Variants in MACROD2 observed in about 807,000 individuals in gnomAD.
MACROD2 encodes the protein mono-ADP ribosylhydrolase 2, also known as ADP-ribose glycohydrolase MACROD2.
In MACROD2, 36 loss-of-function variants were observed where a neutral mutation model predicts 70.4. The ratio of observed to expected loss-of-function variants is 0.51; its 90% CI spans 0.39 to 0.68. The LOEUF (loss-of-function observed/expected upper bound fraction) is 0.68, where lower values mean the gene tolerates loss of function less well. Among genes scored for constraint, MACROD2 ranks in the 30% least tolerant of loss-of-function variants. The pLI is 0.00. For missense variants in MACROD2, 496 were observed against 538.4 expected (o/e 0.92, Z 0.78); for synonymous variants, 172 against 178.8 (o/e 0.96, Z 0.30).
At chr20:15,375,322 C>T (rs1036569888) in intron 6 of MACROD2, among the ~76,000 whole-genome samples, 1 of 152,102 alleles carries the variant, frequency 6.6e-6, no homozygotes, top group African/African-American at 2.4e-5. Flanking sequence ...CCAAATAATC[C>T]ACTATTGATT....
At chr20:14,213,436 C>G (rs1267013594) in intron 3 of MACROD2, among the ~76,000 whole-genome samples, 3 of 126,968 alleles carry the variant, frequency 2.4e-5, no homozygotes, top group African/African-American at 5.9e-5. Context: ...GTACCAAGAT[C>G]TGAGAGGGCT....
At chr20:14,029,847 A>G (rs2053225033) in intron 2 of MACROD2, among the ~76,000 whole-genome samples, 1 of 152,160 alleles carries the variant, frequency 6.6e-6, no homozygotes. Context: ...ATTTATCGAT[A>G]CTTTCTGTTA....
intron 3 of MACROD2, among the ~76,000 whole-genome samples, chr20:14,273,143 T>C (rs2082213061): frequency 1.3e-5 from 2 of 152,046 alleles, no homozygotes; most frequent in African/African-American, 2.4e-5. Flanking sequence ...ACCAAGCGGA[T>C]CTAATAGACA....
chr20:15,137,600 C>A (rs2076159573), intron 5 of MACROD2, among the ~76,000 whole-genome samples: 1 of 149,482 alleles, frequency 6.7e-6, no homozygotes, highest in Non-Finnish European at 1.5e-5. Context: ...AGGAGATATA[C>A]CTAATGCTAC....
intron 4 of MACROD2, among the ~76,000 whole-genome samples, chr20:14,504,584 A>G (rs534408338): frequency 6.6e-6 from 1 of 152,072 alleles, no homozygotes; most frequent in South Asian, 2.1e-4. Context: ...TGAATTTCCA[A>G]CTCATCCTTA....
chr20:14,028,529 T>G (rs1340803422), intron 2 of MACROD2, among the ~76,000 whole-genome samples: 3 of 152,116 alleles, frequency 2.0e-5, no homozygotes, highest in Non-Finnish European at 2.9e-5. Flanking sequence ...GTTTTGTGCT[T>G]GAAACCCAGG....
intron 8 of MACROD2, among the ~76,000 whole-genome samples, chr20:15,678,493 G>C (rs2050108313): frequency 6.6e-6 from 1 of 152,036 alleles, no homozygotes; most frequent in Non-Finnish European, 1.5e-5. Context: ...CCGAGTAGCT[G>C]GGACTACAGG....
intron 4 of MACROD2, among the ~76,000 whole-genome samples, chr20:14,592,286 T>C (rs1015930807): frequency 2.0e-5 from 3 of 152,226 alleles, no homozygotes; most frequent in Admixed American, 2.0e-4. Context: ...GTAAGCTAGA[T>C]TGGAAGAAGC....
chr20:15,678,500 C>T (rs896978785), intron 8 of MACROD2, among the ~76,000 whole-genome samples: 63 of 152,120 alleles, frequency 4.1e-4, no homozygotes, highest in Non-Finnish European at 1.3e-4. Flanking sequence ...GCTGGGACTA[C>T]AGGCGCCCGC....
chr20:14,897,605 A>G (rs1172076209), intron 5 of MACROD2, among the ~76,000 whole-genome samples: 1 of 152,178 alleles, frequency 6.6e-6, no homozygotes, highest in Non-Finnish European at 1.5e-5. Context: ...TTCAAACAAC[A>G]GAAATTGACT....
chr20:14,180,521 CT>C (rs1569194122), intron 3 of MACROD2, among the ~76,000 whole-genome samples: 1 of 151,908 alleles, frequency 6.6e-6, no homozygotes, highest in Admixed American at 6.6e-5. Context: ...TTGCAGTTTT[CT>C]TTTTTAAAAA....
intron 4 of MACROD2, among the ~76,000 whole-genome samples, chr20:14,544,253 AG>A (rs1301562161): frequency 6.0e-5 from 9 of 149,686 alleles, no homozygotes; most frequent in African/African-American, 2.2e-4. Context: ...TTTAGAAAAT[AG>A]GGTAGGGCTC....
At chr20:14,670,805 A>G (rs936976214) in intron 4 of MACROD2, among the ~76,000 whole-genome samples, 1 of 152,118 alleles carries the variant, frequency 6.6e-6, no homozygotes, top group South Asian at 2.1e-4. Context: ...ACACCTCCCA[A>G]CTGTTCTTTC....
chr20:14,292,931 G>C (rs1413650071), intron 3 of MACROD2, among the ~76,000 whole-genome samples: 3 of 151,850 alleles, frequency 2.0e-5, no homozygotes, highest in African/African-American at 7.3e-5. Context: ...CACAGCGCCT[G>C]GCCTCATTCA....
intron 5 of MACROD2, among the ~76,000 whole-genome samples, chr20:14,890,968 T>G (rs528874923): frequency 3.0e-5 from 4 of 132,398 alleles, no homozygotes; most frequent in African/African-American, 1.3e-4. Flanking sequence ...CCTTCCTTCC[T>G]TCCTTCCTTC....
chr20:14,198,213 A>G (rs968388847), intron 3 of MACROD2, among the ~76,000 whole-genome samples: 5 of 151,988 alleles, frequency 3.3e-5, no homozygotes, highest in Non-Finnish European at 1.5e-5. Flanking sequence ...AAAGAGAGAG[A>G]AGAGAGAGCC....
In MACROD2 at chr20:14,215,521, C is replaced by T. The variant is rs148309816; in HGVS notation, c.271+129793C>T. Among the ~76,000 whole-genome samples the T allele has an allele frequency of 8.8e-3, 1,342 of 151,932 alleles. 16 individuals are homozygous for T. The highest frequency in any genetic ancestry group is 0.014 in the Non-Finnish European group (927 of 67,892). ...GACTTATTTTCCTCTGGGTAGGTACCCCCCCAGTAATGGGATTGCTGGATC... is the reference window on the plus strand; with the variant it reads ...GACTTATTTTCCTCTGGGTAGGTACTCCCCCAGTAATGGGATTGCTGGATC... On this transcript the variant is annotated intron_variant, in intron 3 of 17. Coordinates refer to ENST00000684519, the MANE Select transcript of MACROD2 (RefSeq NM_001351661.2).
At chr20:14,279,670 A>G (rs2082289525) in intron 3 of MACROD2, among the ~76,000 whole-genome samples, 1 of 152,026 alleles carries the variant, frequency 6.6e-6, no homozygotes. Context: ...AAAGTATTTG[A>G]CTCTTCATGA....
At chr20:15,122,281 A>G (rs1194812488) in intron 5 of MACROD2, among the ~76,000 whole-genome samples, 1 of 152,052 alleles carries the variant, frequency 6.6e-6, no homozygotes. Flanking sequence ...ATGTATTGCT[A>G]TTTGTTTGAA....
Sources: gnomAD v4.1 joint callset for allele counts (sites outside exome capture counted in the v4.1 genomes callset) on GRCh38, gnomAD v4.1.1 for gene constraint, MANE v1.5 for transcripts, NCBI Gene and HGNC (gene_info 2026-07-23, HGNC 2026-07-21) for gene names.